Variants in HPSE2 observed in about 807,000 individuals in gnomAD.
HPSE2 encodes heparanase 2 (inactive).
Under a neutral mutation model 60.5 loss-of-function variants are expected in HPSE2, and 38 were observed. The observed-to-expected ratio is 0.63, with a 90% CI of 0.48 to 0.82. The LOEUF is 0.82. HPSE2 is among the 40% of genes least tolerant of loss of function. HPSE2 has a pLI of 0.00. For missense variants in HPSE2, 713 were observed against 740.4 expected (o/e 0.96, Z 0.43); for synonymous variants, 295 against 293.2 (o/e 1.01, Z -0.06).
chr10:98,824,960 A>G (rs913276122), intron 3 of HPSE2, among the ~76,000 whole-genome samples: 2 of 152,156 alleles, frequency 1.3e-5, no homozygotes, highest in Admixed American at 6.5e-5. Flanking sequence ...TATTCACTCA[A>G]CAGACATTTA....
At chr10:99,128,489 T>C (rs887389757) in intron 3 of HPSE2, among the ~76,000 whole-genome samples, 2 of 152,084 alleles carry the variant, frequency 1.3e-5, no homozygotes, top group African/African-American at 4.8e-5. Context: ...CACCATGGAA[T>C]ACGATGCAGC....
intron 7 of HPSE2, among the ~76,000 whole-genome samples, chr10:98,623,580 T>C (rs1370484528): frequency 2.6e-5 from 4 of 152,154 alleles, no homozygotes; most frequent in Non-Finnish European, 5.9e-5. Flanking sequence ...ATAACCATAA[T>C]GTGGAAACAA....
intron 5 of HPSE2, among the ~76,000 whole-genome samples, chr10:98,695,096 A>G (rs1446327900): frequency 6.6e-6 from 1 of 152,192 alleles, no homozygotes. Flanking sequence ...ATTTGCTGTG[A>G]CAGCAGAAGA....
intron 2 of HPSE2, among the ~76,000 whole-genome samples, chr10:99,192,360 A>T (rs896921448): frequency 6.6e-6 from 1 of 152,232 alleles, no homozygotes; most frequent in African/African-American, 2.4e-5. Flanking sequence ...CAGCAAGAGA[A>T]AAGAAACCGG....
chr10:98,856,976 T>C (rs1414489428), intron 3 of HPSE2, among the ~76,000 whole-genome samples: 2 of 152,190 alleles, frequency 1.3e-5, no homozygotes, highest in Non-Finnish European at 2.9e-5. Flanking sequence ...ATATGGATAA[T>C]ATCTTCTTTC....
intron 3 of HPSE2, among the ~76,000 whole-genome samples, chr10:99,074,127 T>G (rs1178951312): frequency 6.6e-6 from 1 of 152,170 alleles, no homozygotes; most frequent in East Asian, 1.9e-4. Flanking sequence ...GCATTATGCC[T>G]TGTTCCCAAT....
At chr10:98,664,521 A>C (rs1299316705) in intron 6 of HPSE2, among the ~76,000 whole-genome samples, 1 of 152,184 alleles carries the variant, frequency 6.6e-6, no homozygotes, top group Non-Finnish European at 1.5e-5. Context: ...TCCAAGGCCC[A>C]GGAATGGACC....
intron 3 of HPSE2, among the ~76,000 whole-genome samples, chr10:99,022,393 C>A (rs1173437549): frequency 6.6e-6 from 1 of 152,124 alleles, no homozygotes; most frequent in Non-Finnish European, 1.5e-5. Flanking sequence ...CTCTGTGTCT[C>A]CAAATAAACT....
chr10:98,755,658 C>T (rs2134368884), intron 3 of HPSE2, among the ~76,000 whole-genome samples: 1 of 152,212 alleles, frequency 6.6e-6, no homozygotes, highest in African/African-American at 2.4e-5. Context: ...AATCATATCA[C>T]CCACCCTCTC....
chr10:99,289,218 G>A, the HPSE2 span, among the ~76,000 whole-genome samples: 19 of 152,222 alleles, frequency 1.2e-4, 1 homozygote, highest in East Asian at 5.8e-4. Flanking sequence ...TTCAGGTTGC[G>A]TAAATAAGGT....
intron 3 of HPSE2, among the ~76,000 whole-genome samples, chr10:99,099,144 T>C (rs1181980086): frequency 6.6e-6 from 1 of 152,070 alleles, no homozygotes; most frequent in African/African-American, 2.4e-5. Context: ...AGACAGTGGG[T>C]GCAGGACAGT....
chr10:99,143,498 C>T (rs994210087), intron 3 of HPSE2, among the ~76,000 whole-genome samples: 4 of 152,124 alleles, frequency 2.6e-5, no homozygotes, highest in African/African-American at 9.7e-5. Flanking sequence ...TTATTTGGAT[C>T]ACTATAACGT....
chr10:98,659,883 G>A (rs1050409945), intron 6 of HPSE2, among the ~76,000 whole-genome samples: 1 of 152,202 alleles, frequency 6.6e-6, no homozygotes, highest in African/African-American at 2.4e-5. Context: ...AAGAGGAAAG[G>A]AAAGCTGATA....
At chr10:98,600,073 C>T (rs977280734) in intron 9 of HPSE2, among the ~76,000 whole-genome samples, 11 of 152,182 alleles carry the variant, frequency 7.2e-5, no homozygotes, top group Non-Finnish European at 4.4e-5. Context: ...ATTTTCTACT[C>T]TGGTTTGAGA....
chr10:98,518,016 A>G (rs1942659632), intron 9 of HPSE2, among the ~76,000 whole-genome samples: 1 of 152,190 alleles, frequency 6.6e-6, no homozygotes, highest in African/African-American at 2.4e-5. Context: ...AGTGTCTAGT[A>G]CCCCAGAATA....
chr10:99,311,036 T>C, the HPSE2 span, among the ~76,000 whole-genome samples: 9 of 152,260 alleles, frequency 5.9e-5, no homozygotes, highest in African/African-American at 1.7e-4. Context: ...GAGTGTATTA[T>C]ACTTTTATAT....
chr10:98,938,420 G>T (rs1294494727), intron 3 of HPSE2, among the ~76,000 whole-genome samples: 2 of 144,366 alleles, frequency 1.4e-5, no homozygotes, highest in African/African-American at 5.6e-5. Context: ...GAAAGCCAAG[G>T]CTCGAGAACT....
chr10:99,285,501 A>AAGGAGGGG, the HPSE2 span, among the ~76,000 whole-genome samples: 1 of 113,920 alleles, frequency 8.8e-6, no homozygotes. Context: ...GGAGGGAGGG[A>AAGGAGGGG]AAGGAAAGGG....
chr10:99,019,047 C>A (rs1008901450), intron 3 of HPSE2, among the ~76,000 whole-genome samples: 8 of 152,198 alleles, frequency 5.3e-5, no homozygotes, highest in African/African-American at 1.4e-4. Flanking sequence ...TGCGTTTCTA[C>A]TCATTGACAA....
Sources: allele counts gnomAD v4.1 joint callset (sites outside exome capture counted in the v4.1 genomes callset), GRCh38; gene constraint gnomAD v4.1.1; transcripts MANE v1.5; gene names NCBI Gene and HGNC (gene_info 2026-07-23, HGNC 2026-07-21).